The following CDH1 variants were observed in gnomAD, a reference collection of about 807,000 sequenced individuals.
The protein encoded by CDH1 is cadherin 1.
In CDH1, 35 loss-of-function variants were observed where a neutral mutation model predicts 84.5. The observed-to-expected ratio is 0.41, with a 90% CI of 0.32 to 0.55. The LOEUF is 0.55. Ranked by LOEUF, CDH1 falls within the 20% of genes least tolerant of loss-of-function variation. The probability of loss-of-function intolerance (pLI) is 0.19; values close to 1 mark genes in which losing one functional copy is unlikely to be tolerated. For missense variants in CDH1, 994 were observed against 1,126.6 expected, an observed-to-expected ratio of 0.88 and a Z score of 1.68; for synonymous variants, 417 against 439.0, an observed-to-expected ratio of 0.95 and a Z score of 0.63.
intron 2 of CDH1, among the ~76,000 whole-genome samples, chr16:68,775,032 G>A (rs944366353): frequency 1.3e-5 from 2 of 151,898 alleles, no homozygotes; most frequent in African/African-American, 4.8e-5. Flanking sequence ...AGGCTGAGGT[G>A]GGAGGAATGC....
intron 2 of CDH1, among the ~76,000 whole-genome samples, chr16:68,800,790 C>T (rs1403682420): frequency 3.3e-5 from 5 of 152,226 alleles, no homozygotes; most frequent in Non-Finnish European, 5.9e-5. Flanking sequence ...ATAGATGTTA[C>T]ATCTTCAGCA....
chr16:68,784,528 T>C (rs906754606), intron 2 of CDH1, among the ~76,000 whole-genome samples: 6 of 152,136 alleles, frequency 3.9e-5, no homozygotes, highest in Admixed American at 2.6e-4. Context: ...TCCTGCATCC[T>C]GCATGGTGTT....
At chr16:68,776,845 T>C (rs1166322466) in intron 2 of CDH1, among the ~76,000 whole-genome samples, 2 of 152,226 alleles carry the variant, frequency 1.3e-5, no homozygotes, top group Non-Finnish European at 2.9e-5. Context: ...CTTTCTCATG[T>C]AGTTCTCACG....
chr16:68,758,362 G>A (rs1963076452), intron 2 of CDH1, among the ~76,000 whole-genome samples: 1 of 151,626 alleles, frequency 6.6e-6, no homozygotes, highest in South Asian at 2.1e-4. Flanking sequence ...GGATTGCAAT[G>A]AGGATTCAAT....
In CDH1 at chr16:68,745,379, A is replaced by G. The variant is rs140516231; in HGVS notation, c.163+6968A>G. Among the ~76,000 whole-genome samples the G allele has an allele frequency of 9.8e-3, 1,471 of 150,778 alleles. 12 individuals are homozygous for G. Among genetic ancestry groups the G allele is most frequent in the Middle Eastern group, 0.065 (19 of 294 alleles). ...GCGTGCACCTGTGGTACTAGCATCA[A>G]AAAAATGCAAAAATTTGCTGGGCGT... is the stretch of plus-strand genomic sequence containing the variant. On this transcript the variant is annotated intron_variant, in intron 2 of 15. Coordinates refer to ENST00000261769, the MANE Select transcript of CDH1 (RefSeq NM_004360.5).
chr16:68,795,302 C>G (rs964330103), intron 2 of CDH1, among the ~76,000 whole-genome samples: 2 of 152,020 alleles, frequency 1.3e-5, no homozygotes, highest in Non-Finnish European at 2.9e-5. Flanking sequence ...AGGCTGTCTC[C>G]CCAGGATTCC....
In CDH1 at chr16:68,738,964, T is replaced by TTTTTTAA. The variant is rs555202424; in HGVS notation, c.163+553_163+554insTTTTTAA. 4.6e-5 allele frequency among the ~76,000 whole-genome samples: 3 copies of TTTTTTAA among 65,364 alleles called. 1 individual carries two copies. The highest frequency in any genetic ancestry group is 1.1e-4 in the African/African-American group (2 of 17,682). 42.9% of individuals were successfully genotyped at this position (65,364 alleles called of 152,430 possible). On this transcript the variant is annotated intron_variant, in intron 2 of 15. Coordinates refer to ENST00000261769, the MANE Select transcript of CDH1 (RefSeq NM_004360.5). ...TTTTTTTTTTTTTTTTTTTTTTTTT[T>TTTTTTAA]AAAGACAGGGTCTTGCTCTGTTGCC...
chr16:68,784,183 A>G (rs1391411652), intron 2 of CDH1, among the ~76,000 whole-genome samples: 2 of 152,036 alleles, frequency 1.3e-5, no homozygotes, highest in Admixed American at 1.3e-4. Context: ...GGATTTATGC[A>G]TGTAAAATCT....
chr16:68,747,886 C>T (rs909970979), intron 2 of CDH1, among the ~76,000 whole-genome samples: 3 of 151,830 alleles, frequency 2.0e-5, no homozygotes, highest in Non-Finnish European at 4.4e-5. Flanking sequence ...ACCTCAGTCT[C>T]CCGAGTAGCT....
chr16:68,802,116 G>A (rs1157407556), intron 3 of CDH1, among the ~76,000 whole-genome samples: 1 of 152,208 alleles, frequency 6.6e-6, no homozygotes, highest in South Asian at 2.1e-4. Context: ...TCCACATGTT[G>A]CCCATGGCCC....
At chr16:68,809,316 T>G (rs907689107) in intron 5 of CDH1, among the ~76,000 whole-genome samples, 1 of 151,152 alleles carries the variant, frequency 6.6e-6, no homozygotes, top group Non-Finnish European at 1.5e-5. Context: ...ATTCTCCTGC[T>G]TCAACCTCCC....
chr16:68,743,335 C>A lies in CDH1; in HGVS notation c.163+4924C>A, dbSNP rs558012746. ...TCTTTCTTTCTTTCTTTCTTTCTTTCTTTCTTTCTTTCTTTCTTTCTTTCT... is the reference window on the plus strand; with the variant it reads ...TCTTTCTTTCTTTCTTTCTTTCTTTATTTCTTTCTTTCTTTCTTTCTTTCT... On this transcript the variant is annotated intron_variant, in intron 2 of 15. Transcript: ENST00000261769. 6.4e-3 allele frequency among the ~76,000 whole-genome samples: 164 copies of A among 25,666 alleles called. 6 individuals are homozygous for A. Among genetic ancestry groups the A allele is most frequent in the Middle Eastern group, 0.04 (2 of 50 alleles). 16.8% of individuals were successfully genotyped at this position (25,666 alleles called of 152,430 possible). A position where few individuals can be genotyped will look rare whatever the true frequency, so the allele number is the denominator to read the frequency against.
At chr16:68,756,448 A>G (rs971086946) in intron 2 of CDH1, among the ~76,000 whole-genome samples, 1 of 152,158 alleles carries the variant, frequency 6.6e-6, no homozygotes, top group Non-Finnish European at 1.5e-5. Context: ...AGGTTGAATC[A>G]GCGGTGACAT....
chr16:68,824,774 T>A lies in CDH1; in HGVS notation c.2164+1148T>A, dbSNP rs375810424. ...CTGTTATGGTCAAGGTAAATACTTT[T>A]ATCATTTACACACAGGGAGAAAGTA... On this transcript the variant is annotated intron_variant, in intron 13 of 15. Transcript: ENST00000261769. Among the ~76,000 whole-genome samples, 453 of 152,350 alleles carry A rather than the reference T, an allele frequency of 3.0e-3. 3 individuals are homozygous for A. The highest frequency in any genetic ancestry group is 0.011 in the African/African-American group (444 of 41,570).
intron 15 of CDH1, among the ~76,000 whole-genome samples, chr16:68,832,417 A>G (rs2152143464): frequency 6.6e-6 from 1 of 152,146 alleles, no homozygotes; most frequent in South Asian, 2.1e-4. Flanking sequence ...TGGAGGATGC[A>G]GTGAGCCGAG....
chr16:68,766,691 T>C (rs936278702), intron 2 of CDH1, among the ~76,000 whole-genome samples: 14 of 152,032 alleles, frequency 9.2e-5, no homozygotes, highest in Admixed American at 3.3e-4. Context: ...TATAGTAACA[T>C]ATAATTCTCC....
intron 10 of CDH1, among the ~76,000 whole-genome samples, chr16:68,816,968 T>A (rs1961004749): frequency 6.6e-6 from 1 of 152,110 alleles, no homozygotes; most frequent in South Asian, 2.1e-4. Context: ...AAGCTTGCAG[T>A]AGTGAAATAG....
chr16:68,769,730 C>G (rs546298188), intron 2 of CDH1, among the ~76,000 whole-genome samples: 1 of 151,896 alleles, frequency 6.6e-6, no homozygotes, highest in East Asian at 2.0e-4. Flanking sequence ...GAGTTCAAGA[C>G]CAGCCCGGGC....
chr16:68,750,213 C>T (rs956684559), intron 2 of CDH1, among the ~76,000 whole-genome samples: 2 of 140,272 alleles, frequency 1.4e-5, no homozygotes, highest in South Asian at 4.6e-4. Context: ...CAGCCGGTTT[C>T]CCTCTTGACC....
Sources: gnomAD v4.1 joint callset for allele counts (sites outside exome capture counted in the v4.1 genomes callset) on GRCh38, gnomAD v4.1.1 for gene constraint, MANE v1.5 for transcripts, NCBI Gene and HGNC (gene_info 2026-07-23, HGNC 2026-07-21) for gene names.